The following SLC26A5 variants were observed in gnomAD, a reference collection of about 807,000 sequenced individuals.
SLC26A5 encodes solute carrier family 26 member 5.
A neutral mutation model predicts 81.0 loss-of-function variants in SLC26A5; 51 were observed. The ratio of observed to expected loss-of-function variants is 0.63; its 90% CI spans 0.50 to 0.80. The LOEUF is 0.80. Ranked by LOEUF, SLC26A5 falls within the 30% of genes least tolerant of loss-of-function variation. The probability of loss-of-function intolerance (pLI) is 0.00; values close to 1 mark genes in which losing one functional copy is unlikely to be tolerated. For synonymous variants in SLC26A5, 325 were observed against 332.8 expected (o/e 0.98, Z 0.25); for missense variants, 771 against 905.8 (o/e 0.85, Z 1.91).
At chr7:103,354,332 A>G (rs1413128467) in intron 19 of SLC26A5, among the ~76,000 whole-genome samples, 1 of 151,982 alleles carries the variant, frequency 6.6e-6, no homozygotes, top group Non-Finnish European at 1.5e-5. Flanking sequence ...TTTAATGCAT[A>G]GAAATCGATA....
chr7:103,393,115 GA>G (rs760264742), intron 9 of SLC26A5, 49 bp from the exon 10 acceptor site: 39 of 1,602,732 alleles, frequency 2.4e-5, no homozygotes, highest in Middle Eastern at 3.4e-4. Flanking sequence ...CAAGGGAAAA[GA>G]AAAAAAACCT....
intron 2 of SLC26A5, among the ~76,000 whole-genome samples, chr7:103,441,053 T>G (rs1826838799): frequency 6.6e-6 from 1 of 152,186 alleles, no homozygotes; most frequent in South Asian, 2.1e-4. Context: ...AGGTGGGATA[T>G]GGTGATCTGC....
intron 9 of SLC26A5, 96 bp from the exon 10 acceptor site, chr7:103,393,162 C>A: frequency 6.9e-7 from 1 of 1,446,794 alleles, no homozygotes; most frequent in Non-Finnish European, 9.5e-7. Context: ...GGGGCATTAT[C>A]TGCAAATGAA....
intron 14 of SLC26A5, among the ~76,000 whole-genome samples, chr7:103,381,794 C>T (rs947330084): frequency 1.3e-5 from 2 of 151,398 alleles, no homozygotes; most frequent in African/African-American, 4.9e-5. Flanking sequence ...TACATATACA[C>T]ATGCATATAC....
intron 14 of SLC26A5, among the ~76,000 whole-genome samples, chr7:103,386,349 C>A (rs972362267): frequency 2.0e-5 from 3 of 151,840 alleles, no homozygotes; most frequent in Non-Finnish European, 4.4e-5. Context: ...GGGCAGATTG[C>A]GAGGTCAGGA....
At chr7:103,381,525 C>T (rs1821788058) in intron 14 of SLC26A5, among the ~76,000 whole-genome samples, 1 of 151,102 alleles carries the variant, frequency 6.6e-6, no homozygotes. Flanking sequence ...CAATACCATA[C>T]ACAATACACA....
At chr7:103,404,737 G>A (rs1253178750) in intron 8 of SLC26A5, among the ~76,000 whole-genome samples, 1 of 152,162 alleles carries the variant, frequency 6.6e-6, no homozygotes, top group Non-Finnish European at 1.5e-5. Flanking sequence ...TGTCTTGCTA[G>A]GTTGTGGAAG....
intron 2 of SLC26A5, among the ~76,000 whole-genome samples, chr7:103,441,496 C>A (rs1049856069): frequency 6.6e-6 from 1 of 152,180 alleles, no homozygotes; most frequent in East Asian, 1.9e-4. Context: ...GTTCTGGTAA[C>A]TCAATAGTCT....
downstream of SLC26A5, among the ~76,000 whole-genome samples, chr7:103,373,333 G>A (rs1344596613): frequency 1.3e-5 from 2 of 152,122 alleles, no homozygotes; most frequent in Non-Finnish European, 2.9e-5. Context: ...GAAGTGATGC[G>A]ATATGAAGCA....
At chr7:103,444,279 T>C (rs1827108039) in intron 1 of SLC26A5, among the ~76,000 whole-genome samples, 1 of 152,200 alleles carries the variant, frequency 6.6e-6, no homozygotes, top group Non-Finnish European at 1.5e-5. Context: ...TTTTCTTAAC[T>C]TTATTAACTT....
chr7:103,411,772 T>G (rs1331134655), intron 5 of SLC26A5, among the ~76,000 whole-genome samples, 186 bp from the exon 6 acceptor site: 2 of 152,232 alleles, frequency 1.3e-5, no homozygotes, highest in African/African-American at 4.8e-5. Flanking sequence ...GCATGCAGAC[T>G]GTATTTTCCA....
chr7:103,390,625 A>G, intron 11 of SLC26A5, 119 bp from the exon 12 acceptor site: 3 of 826,984 alleles, frequency 3.6e-6, no homozygotes, highest in East Asian at 4.9e-5. Context: ...ATGGATTCAA[A>G]TAAGTCAACT....
chr7:103,444,261 CATCTT>C (rs1455746330), intron 1 of SLC26A5, among the ~76,000 whole-genome samples: 1 of 152,166 alleles, frequency 6.6e-6, no homozygotes, highest in Non-Finnish European at 1.5e-5. Context: ...GGAAAATCAT[CATCTT>C]ATTTTTCTTA....
At chr7:103,379,139 A>T in intron 16 of SLC26A5, 104 bp downstream of exon 16, 1 of 813,750 alleles carries the variant, frequency 1.2e-6, no homozygotes, top group South Asian at 1.4e-5. Context: ...AGAGAGAAAC[A>T]AAGCGAGAAT....
At chr7:103,444,405 T>G (rs1586425666) in intron 1 of SLC26A5, among the ~76,000 whole-genome samples, 1 of 152,200 alleles carries the variant, frequency 6.6e-6, no homozygotes, top group East Asian at 1.9e-4. Flanking sequence ...GTAGAAAAAT[T>G]AAGATACCAG....
chr7:103,379,829 C>T (rs1821642211), intron 15 of SLC26A5, among the ~76,000 whole-genome samples: 1 of 152,094 alleles, frequency 6.6e-6, no homozygotes, highest in Admixed American at 6.5e-5. Flanking sequence ...CCTTGTGGAA[C>T]TCTAGGAGGC....
At chr7:103,445,037 G>C (rs1249302236) in intron 1 of SLC26A5, among the ~76,000 whole-genome samples, 1 of 152,064 alleles carries the variant, frequency 6.6e-6, no homozygotes, top group Non-Finnish European at 1.5e-5. Context: ...TTTATATCTA[G>C]TGCACATTGT....
rs74587113 is a variant in SLC26A5 at position 103,422,904 on chromosome 7, T to C, written c.-53-1337A>G. Among the ~76,000 whole-genome samples the C allele has an allele frequency of 3.9e-3, 589 of 152,240 alleles. 5 individuals are homozygous for C. The highest frequency in any genetic ancestry group is 0.013 in the African/African-American group (557 of 41,550). Reference sequence around the variant, plus strand: ...ACTGTGGAATTGTGAGGGCTACTAATGTTGGTCAATACAACTCCTTCACAG... The same window carrying C: ...ACTGTGGAATTGTGAGGGCTACTAACGTTGGTCAATACAACTCCTTCACAG... On this transcript the variant is annotated intron_variant, in intron 2 of 19. Transcript: ENST00000306312.
At chr7:103,368,169 A>G (rs1203414935) in intron 19 of SLC26A5, 1 of 906,500 alleles carries the variant, frequency 1.1e-6, no homozygotes, top group Admixed American at 3.0e-5. Context: ...TTTTTTCCAT[A>G]TCTCTTCTTG....
Sources: allele counts gnomAD v4.1 joint callset (sites outside exome capture counted in the v4.1 genomes callset), GRCh38; gene constraint gnomAD v4.1.1; transcripts MANE v1.5; gene names NCBI Gene and HGNC (gene_info 2026-07-23, HGNC 2026-07-21).